Variants in ADGRL1 observed in about 807,000 individuals in gnomAD.
ADGRL1 encodes the protein CIRL-1.
In ADGRL1, 31 loss-of-function variants were observed where a neutral mutation model predicts 148.9. The ratio of observed to expected loss-of-function variants is 0.21; its 90% confidence interval spans 0.16 to 0.28. The LOEUF (loss-of-function observed/expected upper bound fraction) is 0.28. Ranked by LOEUF, ADGRL1 falls within the 10% of genes least tolerant of loss-of-function variation. The pLI is 1.00. For synonymous variants in ADGRL1, 937 were observed against 900.3 expected (o/e 1.04, Z -0.73); for missense variants, 1,521 against 2,058.8 (o/e 0.74, Z 5.05).
chr19:14,152,528 G>T lies in ADGRL1; in HGVS notation c.3509C>A (p.Thr1170Asn). 1 of 1,614,114 alleles carries T rather than the reference G, an allele frequency of 6.2e-7. No individual in the cohort carries two copies. The highest frequency in any genetic ancestry group is 8.5e-7 in the Non-Finnish European group (1 of 1,179,968). The change falls in exon 20 of 23, where the codon ACC becomes AAC. Residue 1170 changes from threonine to asparagine, a missense_variant. By Grantham distance (65) the Thr-to-Asn change is moderately conservative. This residue lies in a region of ADGRL1 where 47 missense variants were observed against 64.6 expected (regional missense o/e 0.73). Transcript: ENST00000361434. This position sits in a 1 kb window ranked among gnomAD's most constrained non-coding sequence, Gnocchi z 6.1. ...GGATGCCTTCTCACCTCGGTTCAGG[G>T]TGGGGGTGCTGTTGATGTCACCCGC... ...FMAGDINSTP[T>N]LNRGTMGNHL...
rs1043203771 is a variant in ADGRL1, at chr19:14,159,906, C to A, written c.1801-133G>T. 5.0e-5 allele frequency: 50 copies of A among 999,958 alleles called. No individual in the cohort carries two copies. In the Admixed American group the frequency reaches 9.0e-4, roughly 18 times the overall value. The allele number at this position is 999,958 out of a possible 1,614,324, so 61.9% of individuals were successfully genotyped here. A position where few individuals can be genotyped will look rare whatever the true frequency, so the allele number is the denominator to read the frequency against. On this transcript the variant is annotated intron_variant, in intron 8 of 22. Coordinates refer to ENST00000361434, the MANE Select transcript of ADGRL1 (RefSeq NM_014921.5). This position sits in a 1 kb window ranked among gnomAD's most constrained non-coding sequence, Gnocchi z 6.0. ...AGGGCTGGGCTATCAGCAAGACATTCCTCAGGGATCCCCAACCCCCAGGAC... is the reference window on the plus strand; with the variant it reads ...AGGGCTGGGCTATCAGCAAGACATTACTCAGGGATCCCCAACCCCCAGGAC...
chr19:14,164,940 G>A lies in ADGRL1; in HGVS notation c.395-1534C>T, dbSNP rs535905833. On this transcript the variant is annotated intron_variant, in intron 4 of 22. Coordinates refer to ENST00000361434, the MANE Select transcript of ADGRL1 (RefSeq NM_014921.5). ...ATAGGCCAGGGCGAGGGCACAGGGC[G>A]AGGGTGGAGGGTTTGCAGTGAATTC... 2.0e-3 allele frequency among the ~76,000 whole-genome samples: 310 copies of A among 152,294 alleles called. 2 individuals are homozygous for A. Among genetic ancestry groups the A allele is most frequent in the African/African-American group, 6.8e-3 (284 of 41,560 alleles).
At chr19:14,178,360 C>T (rs1460500333) in intron 2 of ADGRL1, among the ~76,000 whole-genome samples, 2 of 152,010 alleles carry the variant, frequency 1.3e-5, no homozygotes, top group Non-Finnish European at 2.9e-5. Flanking sequence ...CACAAATTAG[C>T]CAGACGTGGT....
In ADGRL1 at chr19:14,163,002, C is replaced by A; in HGVS notation, c.799G>T (p.Val267Leu). 1 of 1,614,076 alleles carries A rather than the reference C, an allele frequency of 6.2e-7. No individual in the cohort carries two copies. The highest frequency in any genetic ancestry group is 8.5e-7 in the Non-Finnish European group (1 of 1,180,022). Residue 267 changes from valine (V) to leucine (L), a missense_variant, in exon 5 of 23, where the codon GTG becomes TTG. This residue lies in a region of ADGRL1 where 334 missense variants were observed against 512.5 expected (regional missense o/e 0.65). Coordinates refer to ENST00000361434, the MANE Select transcript of ADGRL1 (RefSeq NM_014921.5). ...WGGKTDIDLA[V>L]DENGLWVIYA... The stretch of plus-strand genomic sequence containing the variant: ...ATGACCCACAGCCCGTTCTCGTCCA[C>A]CGCCAGGTCAATGTCGGTCTTTCCG...
Position 14,177,530 on chromosome 19 carries a change from C to T in ADGRL1, c.284+1G>A, listed in dbSNP as rs1387639356. On this transcript the variant is annotated splice_donor_variant, in intron 3 of 22. Coordinates refer to ENST00000361434, the MANE Select transcript of ADGRL1 (RefSeq NM_014921.5). LOFTEE classifies it high-confidence loss of function. ...AGGAACTGCCACGAGAGCCCACTCA[C>T]CTCTGTGACATGATCTTGAAGGCGT... 6.2e-7 allele frequency: 1 copy of T among 1,613,928 alleles called. No individual in the cohort carries two copies. Among genetic ancestry groups the T allele is most frequent in the Admixed American group, 1.7e-5 (1 of 60,020 alleles).
chr19:14,191,869 G>A (rs546742236), intron 1 of ADGRL1, among the ~76,000 whole-genome samples: 4 of 151,882 alleles, frequency 2.6e-5, no homozygotes, highest in African/African-American at 7.3e-5. Context: ...CTACTTTTTC[G>A]ATTTTTTTTG....
intron 18 of ADGRL1, among the ~76,000 whole-genome samples, chr19:14,153,725 T>C (rs1376069791): frequency 1.3e-5 from 2 of 148,474 alleles, no homozygotes; most frequent in Non-Finnish European, 3.0e-5. Context: ...CAGAGGTGGG[T>C]GGATCACCTG....
Position 14,161,694 on chromosome 19 carries a change from G to T in ADGRL1, c.1196-68C>A. 1.7e-6 allele frequency: 2 copies of T among 1,159,486 alleles called. No individual in the cohort carries two copies. Among genetic ancestry groups the T allele is most frequent in the South Asian group, 2.5e-5 (1 of 40,592 alleles). 71.8% of individuals were successfully genotyped at this position (1,159,486 alleles called of 1,614,324 possible). On this transcript the variant is annotated intron_variant, in intron 5 of 22. Coordinates refer to ENST00000361434, the MANE Select transcript of ADGRL1 (RefSeq NM_014921.5). The surrounding 1 kb of genome is among the most constrained non-coding windows in gnomAD (Gnocchi z 4.4). ...CCATGCCACAGTGTGCTTGGGCAGG[G>T]GGTCCCAGGCCATCTTAGCATCTTC...
intron 1 of ADGRL1, among the ~76,000 whole-genome samples, chr19:14,194,517 C>G (rs1972136628): frequency 6.6e-6 from 1 of 152,206 alleles, no homozygotes; most frequent in South Asian, 2.1e-4. Flanking sequence ...CTCATGTAAT[C>G]CTAATAACCA....
At chr19:14,169,491 G>C (rs1482493798) in intron 4 of ADGRL1, 1 of 152,284 alleles carries the variant, frequency 6.6e-6, no homozygotes, top group Non-Finnish European at 1.5e-5. Flanking sequence ...GCTTCAAGGA[G>C]CAGATGGGCA....
intron 2 of ADGRL1, 110 bp downstream of exon 2, chr19:14,183,423 A>G (rs1971358088): frequency 1.7e-5 from 17 of 1,002,982 alleles, no homozygotes; most frequent in Non-Finnish European, 2.4e-5. Flanking sequence ...GGGGCGGGGC[A>G]GGGGGCTGTA....
Position 14,152,174 on chromosome 19 carries a change from G to A in ADGRL1, c.3650-24C>T, listed in dbSNP as rs768729778. 3.2e-5 allele frequency: 51 copies of A among 1,613,932 alleles called. No homozygotes were observed. The African/African-American group carries it at 3.3e-4, about 11-fold the overall frequency. On this transcript the variant is annotated intron_variant, in intron 21 of 22. Transcript: ENST00000361434. The surrounding 1 kb of genome is among the most constrained non-coding windows in gnomAD (Gnocchi z 6.1). ...CCCTGCAGGTGGCAGCCAGAAGAGA[G>A]AAGAGAAAAGGCAAGGATGAGCTCG... is the stretch of plus-strand genomic sequence containing the variant.
chr19:14,203,962 G>C (rs1376744291), intron 1 of ADGRL1, among the ~76,000 whole-genome samples: 1 of 152,158 alleles, frequency 6.6e-6, no homozygotes, highest in African/African-American at 2.4e-5. Flanking sequence ...TGGGTAGGAA[G>C]ATGGTGGCAA....
chr19:14,187,942 A>G (rs907317082), intron 1 of ADGRL1, among the ~76,000 whole-genome samples: 4 of 151,978 alleles, frequency 2.6e-5, no homozygotes, highest in South Asian at 4.2e-4. Flanking sequence ...GGGAGTAAAA[A>G]TGGCTGGCTT....
At chr19:14,153,812 G>A (rs931438105) in intron 18 of ADGRL1, among the ~76,000 whole-genome samples, 2 of 151,698 alleles carry the variant, frequency 1.3e-5, no homozygotes, top group South Asian at 2.1e-4. Flanking sequence ...TTAGCTGGTC[G>A]TGGCAGTGGG....
chr19:14,163,959 A>G (rs1969700616), intron 4 of ADGRL1, among the ~76,000 whole-genome samples: 1 of 148,528 alleles, frequency 6.7e-6, no homozygotes, highest in Non-Finnish European at 1.5e-5. Flanking sequence ...TTTTTTTTTA[A>G]CTCCTCTTTC....
At chr19:14,179,311 G>A (rs376814186) in intron 2 of ADGRL1, among the ~76,000 whole-genome samples, 31 of 152,026 alleles carry the variant, frequency 2.0e-4, no homozygotes, top group East Asian at 7.7e-4. Flanking sequence ...TGGCTAAAAC[G>A]GTGAAACCCC....
In ADGRL1 at chr19:14,182,480, C is replaced by T. The variant is rs148320715; in HGVS notation, c.70+1053G>A. ...GTTTCGGGAGGGCACTCGTGCGGGA[C>T]GGTGACAGAGCTGAGCCTTTCCAGA... On this transcript the variant is annotated intron_variant, in intron 2 of 22. Transcript: ENST00000361434. Among the ~76,000 whole-genome samples, 461 of 152,278 alleles carry T rather than the reference C, an allele frequency of 3.0e-3. 2 individuals carry two copies. Among genetic ancestry groups the T allele is most frequent in the African/African-American group, 0.011 (438 of 41,550 alleles).
chr19:14,171,909 G>A (rs1970496663), intron 3 of ADGRL1, among the ~76,000 whole-genome samples: 1 of 152,226 alleles, frequency 6.6e-6, no homozygotes, highest in African/African-American at 2.4e-5. Flanking sequence ...GGCCAGGCAG[G>A]ACACGGGCAT....
Sources: gnomAD v4.1 joint callset for allele counts (sites outside exome capture counted in the v4.1 genomes callset) on GRCh38, gnomAD v4.1.1 for gene constraint, gnomAD v4.1.1 regional missense constraint, Gnocchi (gnomAD v3.1) non-coding constraint, MANE v1.5 for transcripts, NCBI Gene and HGNC (gene_info 2026-07-23, HGNC 2026-07-21) for gene names.